GRIP1: variants seen among roughly 807,000 people sequenced by gnomAD.
GRIP1 encodes glutamate receptor-interacting protein 1.
A neutral mutation model predicts 129.9 loss-of-function variants in GRIP1; 45 were observed. That is an observed-to-expected ratio of 0.35 (90% CI 0.27 to 0.44). GRIP1 has a LOEUF of 0.44. Among genes scored for constraint, GRIP1 ranks in the 20% least tolerant of loss-of-function variants. GRIP1 has a pLI of 1.00. For missense variants in GRIP1, 1,196 were observed against 1,396.8 expected, an observed-to-expected ratio of 0.86 and a Z score of 2.29; for synonymous variants, 530 against 520.8, an observed-to-expected ratio of 1.02 and a Z score of -0.24.
At chr12:66,858,739 A>G (rs537585641) in intron 1 of GRIP1, among the ~76,000 whole-genome samples, 1 of 152,140 alleles carries the variant, frequency 6.6e-6, no homozygotes, top group Non-Finnish European at 1.5e-5. Context: ...CCAAGGAGAC[A>G]TGGAAGTGAA....
At chr12:66,399,473 TAGTA>T (rs1345002087) in intron 16 of GRIP1, among the ~76,000 whole-genome samples, 1 of 151,882 alleles carries the variant, frequency 6.6e-6, no homozygotes, top group Non-Finnish European at 1.5e-5. Flanking sequence ...GTAGAATCAC[TAGTA>T]AGTTTCAAAG....
chr12:66,732,892 G>T (rs1342102292), intron 1 of GRIP1, among the ~76,000 whole-genome samples: 5 of 152,082 alleles, frequency 3.3e-5, no homozygotes, highest in African/African-American at 1.2e-4. Context: ...AACATGAAAA[G>T]GATACTTAAA....
intron 1 of GRIP1, among the ~76,000 whole-genome samples, chr12:67,000,169 C>G (rs2042530645): frequency 6.6e-6 from 1 of 152,126 alleles, no homozygotes; most frequent in African/African-American, 2.4e-5. Context: ...ATCTCTTTCT[C>G]TTCTCAGGGT....
At chr12:66,922,471 G>A (rs1016496422) in intron 1 of GRIP1, among the ~76,000 whole-genome samples, 9 of 152,216 alleles carry the variant, frequency 5.9e-5, no homozygotes, top group African/African-American at 2.2e-4. Context: ...GTTTCCAAAT[G>A]TTGGATGTAC....
At chr12:66,880,426 C>T (rs774605580) in intron 1 of GRIP1, among the ~76,000 whole-genome samples, 3 of 152,072 alleles carry the variant, frequency 2.0e-5, no homozygotes, top group Admixed American at 6.6e-5. Context: ...AATGTCTTGA[C>T]GTTGAGTTCA....
intron 1 of GRIP1, among the ~76,000 whole-genome samples, chr12:66,800,167 T>C (rs11835055): frequency 0.024 from 3,673 of 152,234 alleles, 158 homozygotes; most frequent in African/African-American, 0.084. Flanking sequence ...AATGACCCTT[T>C]TATTCAGAAG....
At position 66,890,461 on chromosome 12, in the gene GRIP1, A is replaced by T. The variant is rs183095155; in HGVS notation, c.58+178589T>A. Among the ~76,000 whole-genome samples the T allele has an allele frequency of 1.9e-3, 288 of 152,360 alleles. 1 individual carries two copies. The highest frequency in any genetic ancestry group is 6.4e-3 in the African/African-American group (268 of 41,590). On this transcript the variant is annotated intron_variant, in intron 1 of 1. Transcript: ENST00000643019. ...GTTTAAAAAAATTGCCTGTGAAAAC[A>T]CTGATGCTGTTAACATGAACACAGG...
chr12:66,485,594 T>C (rs902082205), intron 7 of GRIP1, among the ~76,000 whole-genome samples: 1 of 152,030 alleles, frequency 6.6e-6, no homozygotes, highest in Admixed American at 6.6e-5. Flanking sequence ...ATTTATATTA[T>C]GGTTATACTT....
At chr12:67,020,972 C>T (rs1321745821) in intron 1 of GRIP1, among the ~76,000 whole-genome samples, 1 of 151,840 alleles carries the variant, frequency 6.6e-6, no homozygotes, top group Non-Finnish European at 1.5e-5. Context: ...GTGGTGTGCA[C>T]TTGTAGTCCC....
chr12:66,531,923 A>G (rs552804512), intron 4 of GRIP1, among the ~76,000 whole-genome samples: 1 of 152,338 alleles, frequency 6.6e-6, no homozygotes, highest in Admixed American at 6.5e-5. Flanking sequence ...TACTCAATAA[A>G]TCAGCTTTCA....
chr12:66,617,182 A>G (rs1441779317), intron 1 of GRIP1, among the ~76,000 whole-genome samples: 1 of 147,730 alleles, frequency 6.8e-6, no homozygotes. Context: ...GTCCCTTTCC[A>G]TTTCAGAAAA....
chr12:66,544,212 A>G lies in GRIP1; in HGVS notation c.137-2262T>C, dbSNP rs150386206. ...GTCAATTACCCTATCATTTAAAAAC[A>G]TTTCAAATGTTTTCCTAAGAGCTAA... On this transcript the variant is annotated intron_variant, in intron 2 of 24. Transcript: ENST00000359742. 1.8e-3 allele frequency among the ~76,000 whole-genome samples: 270 copies of G among 152,332 alleles called. 2 individuals carry two copies. Among genetic ancestry groups the G allele is most frequent in the African/African-American group, 6.2e-3 (256 of 41,568 alleles).
intron 1 of GRIP1, among the ~76,000 whole-genome samples, chr12:66,728,072 A>C (rs1490009992): frequency 2.0e-5 from 3 of 152,152 alleles, no homozygotes; most frequent in African/African-American, 7.2e-5. Context: ...AAAGACAAAA[A>C]CCCCACAACA....
intron 1 of GRIP1, among the ~76,000 whole-genome samples, chr12:66,956,185 C>A (rs1230161593): frequency 6.6e-6 from 1 of 152,160 alleles, no homozygotes; most frequent in African/African-American, 2.4e-5. Context: ...GACAGCATGT[C>A]GCATTAGTCA....
intron 1 of GRIP1, among the ~76,000 whole-genome samples, chr12:66,744,717 C>T (rs748524669): frequency 4.6e-5 from 7 of 152,130 alleles, no homozygotes; most frequent in Non-Finnish European, 1.0e-4. Flanking sequence ...AGTCTCAGTA[C>T]CTCATTCTCT....
intron 2 of GRIP1, among the ~76,000 whole-genome samples, chr12:66,548,964 A>T (rs1002613770): frequency 1.3e-5 from 2 of 152,304 alleles, no homozygotes; most frequent in Admixed American, 1.3e-4. Context: ...CAAAGCAACC[A>T]CTAGAGGCAT....
chr12:66,661,102 A>G (rs1473487627), intron 1 of GRIP1, among the ~76,000 whole-genome samples: 1 of 152,110 alleles, frequency 6.6e-6, no homozygotes, highest in Non-Finnish European at 1.5e-5. Context: ...AAACATGCTT[A>G]AGTTTCCAGT....
At chr12:66,742,138 G>A (rs1255454114) in intron 1 of GRIP1, among the ~76,000 whole-genome samples, 1 of 152,052 alleles carries the variant, frequency 6.6e-6, no homozygotes, top group African/African-American at 2.4e-5. Flanking sequence ...AGGGCTGCCA[G>A]TTTCTCTGAG....
chr12:66,588,992 A>T (rs1035931360), intron 2 of GRIP1, among the ~76,000 whole-genome samples: 21 of 135,078 alleles, frequency 1.6e-4, no homozygotes, highest in Admixed American at 2.5e-4. Flanking sequence ...AAAAAATTAA[A>T]TAAATAAATA....
Sources: allele counts gnomAD v4.1 joint callset (sites outside exome capture counted in the v4.1 genomes callset), GRCh38; gene constraint gnomAD v4.1.1; transcripts MANE v1.5; gene names NCBI Gene and HGNC (gene_info 2026-07-23, HGNC 2026-07-21).